The following NRP2 variants were observed in gnomAD, a reference collection of about 807,000 sequenced individuals.
NRP2 encodes the protein neuropilin-2.
NRP2 carries 52 observed loss-of-function variants against 110.4 expected under a neutral mutation model. The ratio of observed to expected loss-of-function variants is 0.47; its 90% confidence interval spans 0.38 to 0.59. The LOEUF is 0.59. Among genes scored for constraint, NRP2 ranks in the 20% least tolerant of loss-of-function variants. The pLI, the probability that NRP2 is intolerant of heterozygous loss-of-function variation, is 0.00. For missense variants in NRP2, 1,049 were observed against 1,203.0 expected, an observed-to-expected ratio of 0.87 and a Z score of 1.89; for synonymous variants, 508 against 468.9, an observed-to-expected ratio of 1.08 and a Z score of -1.08.
intron 7 of NRP2, among the ~76,000 whole-genome samples, chr2:205,737,224 T>C (rs945444812): frequency 2.6e-5 from 4 of 152,180 alleles, no homozygotes; most frequent in Admixed American, 2.6e-4. Flanking sequence ...TCAAAGTGTA[T>C]AAAAAGTCCA....
At chr2:205,744,997 G>A (rs187722663) in intron 9 of NRP2, among the ~76,000 whole-genome samples, 79 of 152,320 alleles carry the variant, frequency 5.2e-4, no homozygotes, top group Non-Finnish European at 2.8e-4. Flanking sequence ...AAACTGGAGC[G>A]GTCCTGCTGA....
At chr2:205,766,666 T>C in intron 14 of NRP2, 117 bp from the exon 15 acceptor site, 2 of 920,408 alleles carry the variant, frequency 2.2e-6, no homozygotes, top group East Asian at 4.9e-5. Flanking sequence ...CATGGAGTGG[T>C]ACAAAAAAAC....
chr2:205,780,272 G>A (rs1162418512), intron 15 of NRP2, among the ~76,000 whole-genome samples: 1 of 152,190 alleles, frequency 6.6e-6, no homozygotes, highest in Admixed American at 6.5e-5. Flanking sequence ...TTTTGAACAG[G>A]TAATGAAGAT....
chr2:205,695,206 G>C lies in NRP2; in HGVS notation c.74-2338G>C, dbSNP rs1258529877. On this transcript the variant is annotated intron_variant, in intron 1 of 16. Transcript: ENST00000357785. ...ATTTTCTCCAGGTAAAGAAAGGATA[G>C]AAAAAAAGCAATGGATGACTCCTTT... 2.0e-5 allele frequency among the ~76,000 whole-genome samples: 3 copies of C among 152,234 alleles called. No homozygotes were observed. In the East Asian group the frequency reaches 5.8e-4, roughly 29 times the overall value.
intron 16 of NRP2, 118 bp downstream of exon 16, chr2:205,792,403 T>C: frequency 1.4e-6 from 1 of 738,116 alleles, no homozygotes; most frequent in Non-Finnish European, 2.4e-6. Flanking sequence ...CAGTCAGAAA[T>C]ATATAAAAGA....
chr2:205,772,984 A>G (rs1217754496), intron 15 of NRP2, among the ~76,000 whole-genome samples: 3 of 152,212 alleles, frequency 2.0e-5, no homozygotes, highest in Non-Finnish European at 4.4e-5. Context: ...GTCCAAATAT[A>G]TTCCCCTATG....
intron 1 of NRP2, among the ~76,000 whole-genome samples, chr2:205,687,360 C>G (rs2056195846): frequency 6.6e-6 from 1 of 152,180 alleles, no homozygotes; most frequent in South Asian, 2.1e-4. Flanking sequence ...ACTGTAAACT[C>G]CTAGATTTTA....
intron 15 of NRP2, among the ~76,000 whole-genome samples, chr2:205,775,825 ATG>A (rs974092294): frequency 5.9e-5 from 9 of 152,060 alleles, no homozygotes; most frequent in Admixed American, 2.6e-4. Flanking sequence ...GTGTATGTGT[ATG>A]TGTGTGTGTG....
chr2:205,766,677 C>T (rs2057923922), intron 14 of NRP2, 106 bp from the exon 15 acceptor site: 5 of 1,049,352 alleles, frequency 4.8e-6, no homozygotes, highest in Non-Finnish European at 5.9e-6. Context: ...ACAAAAAAAC[C>T]GAGTGCAGTC....
chr2:205,733,404 G>C (rs1192459957), intron 7 of NRP2, among the ~76,000 whole-genome samples: 1 of 152,192 alleles, frequency 6.6e-6, no homozygotes, highest in South Asian at 2.1e-4. Context: ...TGCTTGGGCT[G>C]TGGAATCATG....
chr2:205,709,463 G>A (rs1028989451), intron 2 of NRP2, among the ~76,000 whole-genome samples: 22 of 152,160 alleles, frequency 1.4e-4, no homozygotes, highest in African/African-American at 4.6e-4. Context: ...GCCACCACCC[G>A]CAAAGGTGGA....
At chr2:205,698,037 TG>T (rs1053390133) in intron 2 of NRP2, 1 of 402,208 alleles carries the variant, frequency 2.5e-6, no homozygotes, top group African/African-American at 2.0e-5. Flanking sequence ...CTCTTGACTT[TG>T]GGTTACCTTG....
chr2:205,793,980 T>A (rs1378938798), intron 16 of NRP2, among the ~76,000 whole-genome samples: 1 of 152,162 alleles, frequency 6.6e-6, no homozygotes, highest in Non-Finnish European at 1.5e-5. Flanking sequence ...TGTCCTTTCA[T>A]TAGCTTGAGG....
chr2:205,794,871 T>A lies in NRP2; in HGVS notation c.2594T>A (p.Ile865Asn). 1.2e-6 allele frequency: 2 copies of A among 1,614,176 alleles called. No homozygotes were observed. Among genetic ancestry groups the A allele is most frequent in the Non-Finnish European group, 1.7e-6 (2 of 1,180,022 alleles). ...CTGGATCCCATCCTCATCACCATCA[T>A]CGCCATGAGCTCACTGGGCGTCCTC... ...YTLDPILITIIAMSSLGVLLG... is the reference protein window; with the variant it reads ...YTLDPILITINAMSSLGVLLG... Residue 865 changes from isoleucine to asparagine, a missense_variant, in exon 17 of 17, where the codon ATC (isoleucine) becomes AAC (asparagine). By Grantham distance (149) the Ile-to-Asn change is moderately radical. Coordinates refer to ENST00000357785, the MANE Select transcript of NRP2 (RefSeq NM_003872.3).
chr2:205,768,795 T>C (rs1040731705), intron 15 of NRP2, among the ~76,000 whole-genome samples: 2 of 152,176 alleles, frequency 1.3e-5, no homozygotes, highest in South Asian at 4.1e-4. Context: ...TCCTGGAGGA[T>C]GGCAAGCATC....
At position 205,725,265 on chromosome 2, in the gene NRP2, A is replaced by T. The variant is rs2057106411; in HGVS notation, c.821-648A>T. 1.3e-5 allele frequency among the ~76,000 whole-genome samples: 2 copies of T among 152,210 alleles called. No homozygotes were observed. The highest frequency in any genetic ancestry group is 6.5e-5 in the Admixed American group (1 of 15,284). Reference sequence around the variant, plus strand: ...CGATCTTAGACACATGCACACACACATATCGATCAGTGTTGATGGCATTCA... The same window carrying T: ...CGATCTTAGACACATGCACACACACTTATCGATCAGTGTTGATGGCATTCA... On this transcript the variant is annotated intron_variant, in intron 5 of 16. Coordinates refer to ENST00000357785, the MANE Select transcript of NRP2 (RefSeq NM_003872.3). The surrounding 1 kb of genome is among the most constrained non-coding windows in gnomAD (Gnocchi z 4.1).
intron 15 of NRP2, among the ~76,000 whole-genome samples, chr2:205,784,370 G>A (rs1234148634): frequency 2.0e-5 from 3 of 152,320 alleles, no homozygotes; most frequent in Non-Finnish European, 2.9e-5. Flanking sequence ...TTTTCTTGCT[G>A]CCACCCAGGG....
At chr2:205,694,136 G>T (rs1018342485) in intron 1 of NRP2, among the ~76,000 whole-genome samples, 9 of 152,168 alleles carry the variant, frequency 5.9e-5, no homozygotes, top group African/African-American at 2.2e-4. Flanking sequence ...TTACCCCTAG[G>T]CAGAGGCAGA....
At chr2:205,692,379 T>C (rs529091548) in intron 1 of NRP2, among the ~76,000 whole-genome samples, 126 of 152,340 alleles carry the variant, frequency 8.3e-4, no homozygotes, top group Middle Eastern at 6.8e-3. Context: ...TGAAGTTGCT[T>C]TGAATAAAAC....
Sources: allele counts gnomAD v4.1 joint callset (sites outside exome capture counted in the v4.1 genomes callset), GRCh38; gene constraint gnomAD v4.1.1; non-coding constraint Gnocchi (gnomAD v3.1); transcripts MANE v1.5; gene names NCBI Gene and HGNC (gene_info 2026-07-23, HGNC 2026-07-21).